Variants in RHOF observed in about 807,000 individuals in gnomAD.
RHOF encodes ras homolog family member F, filopodia associated.
A neutral mutation model predicts 22.2 loss-of-function variants in RHOF; 21 were observed. That is an observed-to-expected ratio of 0.95 (90% confidence interval 0.67 to 1.36). The LOEUF is 1.36. RHOF is among the 40% of genes most tolerant of loss of function. RHOF has a pLI of 0.00. For missense variants in RHOF, 285 were observed against 293.7 expected (o/e 0.97, Z 0.22); for synonymous variants, 135 against 131.2 (o/e 1.03, Z -0.20).
chr12:121,779,119 T>G lies in RHOF; in HGVS notation c.*379A>C, dbSNP rs1468811311. On this transcript the variant is annotated 3_prime_UTR_variant, in exon 5 of 5. Transcript: ENST00000267205. The stretch of plus-strand genomic sequence containing the variant: ...AGGCAGGGACACAGGAGTGGCAGGC[T>G]TGGGGCGCCCGCGTGGAACAGTGCC... 2 of 203,600 alleles carry G rather than the reference T, an allele frequency of 9.8e-6. No homozygotes were observed. Among genetic ancestry groups the G allele is most frequent in the African/African-American group, 4.6e-5 (2 of 43,798 alleles). The allele number at this position is 203,600 out of a possible 1,614,324, so 12.6% of individuals were successfully genotyped here.
At chr12:121,790,949 C>T (rs1413853602) in intron 2 of RHOF, among the ~76,000 whole-genome samples, 1 of 152,200 alleles carries the variant, frequency 6.6e-6, no homozygotes, top group Non-Finnish European at 1.5e-5. Context: ...TCTTGACTCA[C>T]TGCAATTTCC....
At chr12:121,784,634 G>C (rs1267410164) in intron 2 of RHOF, among the ~76,000 whole-genome samples, 1 of 152,084 alleles carries the variant, frequency 6.6e-6, no homozygotes, top group African/African-American at 2.4e-5. Context: ...GGAAGAACCT[G>C]AGAGTCACAG....
chr12:121,792,401 C>T (rs1436587052), intron 2 of RHOF, among the ~76,000 whole-genome samples: 3 of 152,238 alleles, frequency 2.0e-5, no homozygotes, highest in Non-Finnish European at 4.4e-5. Flanking sequence ...CCCCACCCCT[C>T]ACAACACCGA....
intron 4 of RHOF, 117 bp from the exon 5 acceptor site, chr12:121,779,779 CCTGT>C: frequency 4.6e-6 from 5 of 1,087,210 alleles, no homozygotes; most frequent in South Asian, 4.4e-5. Context: ...TTGGTTTGGG[CCTGT>C]CTGTCTCCTC....
intron 4 of RHOF, 59 bp from the exon 5 acceptor site, chr12:121,779,721 C>T (rs1874378045): frequency 6.3e-7 from 1 of 1,590,058 alleles, no homozygotes; most frequent in African/African-American, 1.3e-5. Flanking sequence ...CCTAGCACCA[C>T]CTGGTGGGTT....
At chr12:121,788,624 G>A (rs1164430368) in intron 2 of RHOF, among the ~76,000 whole-genome samples, 1 of 152,176 alleles carries the variant, frequency 6.6e-6, no homozygotes, top group Non-Finnish European at 1.5e-5. Context: ...ATTCTGGGCA[G>A]GACTGTTCAG....
At chr12:121,789,237 T>C (rs1874697376) in intron 2 of RHOF, among the ~76,000 whole-genome samples, 2 of 89,504 alleles carry the variant, frequency 2.2e-5, no homozygotes, top group Non-Finnish European at 5.2e-5. Context: ...CTCTAACCAT[T>C]CCCCACCTCA....
At chr12:121,783,441 C>T (rs755678636) in intron 2 of RHOF, among the ~76,000 whole-genome samples, 12 of 152,028 alleles carry the variant, frequency 7.9e-5, no homozygotes, top group Non-Finnish European at 1.6e-4. Flanking sequence ...CCTGCCACAG[C>T]CTCCCAAGTA....
chr12:121,784,002 A>G (rs924122599), intron 2 of RHOF, among the ~76,000 whole-genome samples: 2 of 152,066 alleles, frequency 1.3e-5, no homozygotes, highest in Non-Finnish European at 2.9e-5. Context: ...CCAAGGCACC[A>G]TCTCACTGTT....
intron 2 of RHOF, 32 bp from the exon 3 acceptor site, chr12:121,781,224 C>T (rs756415640): frequency 1.4e-5 from 22 of 1,590,104 alleles, no homozygotes; most frequent in South Asian, 1.3e-4. Flanking sequence ...GGTCAGGGGA[C>T]GTCCCCTCCC....
intron 2 of RHOF, among the ~76,000 whole-genome samples, chr12:121,784,940 C>T (rs959683464): frequency 2.6e-5 from 4 of 152,194 alleles, no homozygotes; most frequent in African/African-American, 9.7e-5. Context: ...CAGTCTAGAA[C>T]TCTAGATACG....
At chr12:121,788,043 G>A (rs796383565) in intron 2 of RHOF, among the ~76,000 whole-genome samples, 22 of 152,176 alleles carry the variant, frequency 1.4e-4, no homozygotes, top group African/African-American at 5.3e-4. Flanking sequence ...GGCCGCAGGT[G>A]TGTACCACTG....
intron 2 of RHOF, among the ~76,000 whole-genome samples, chr12:121,783,315 T>TTC (rs1874521497): frequency 8.2e-6 from 1 of 122,090 alleles, no homozygotes; most frequent in African/African-American, 3.3e-5. Context: ...GGCTCCCTAT[T>TTC]GCCCCCCCCC....
chr12:121,790,171 A>G (rs951948959), intron 2 of RHOF, among the ~76,000 whole-genome samples: 2 of 152,082 alleles, frequency 1.3e-5, no homozygotes, highest in African/African-American at 4.8e-5. Context: ...GCCTTCCACG[A>G]GGGCCCCTGT....
At chr12:121,790,263 C>T (rs79245479) in intron 2 of RHOF, among the ~76,000 whole-genome samples, 2,186 of 152,380 alleles carry the variant, frequency 0.014, 57 homozygotes, top group African/African-American at 0.051. Flanking sequence ...ACCCCTGTCT[C>T]ACAGCTCTGG....
At chr12:121,788,613 C>T (rs1304143883) in intron 2 of RHOF, among the ~76,000 whole-genome samples, 1 of 152,200 alleles carries the variant, frequency 6.6e-6, no homozygotes, top group Non-Finnish European at 1.5e-5. Flanking sequence ...CACTCATGCA[C>T]ATTCTGGGCA....
At position 121,777,880 on chromosome 12, in the gene RHOF, C is replaced by A. The variant is rs1874296739; in HGVS notation, c.*1618G>T. 6.6e-6 allele frequency: 1 copy of A among 152,116 alleles called. No homozygotes were observed. The highest frequency in any genetic ancestry group is 1.5e-5 in the Non-Finnish European group (1 of 67,994). 9.4% of individuals were successfully genotyped at this position (152,116 alleles called of 1,614,324 possible). A position where few individuals can be genotyped will look rare whatever the true frequency, so the allele number is the denominator to read the frequency against. ...TGGGGTTCTTCGAGAACAAGAACTCCTTGGTTGATTCCCCAGGGTACGGCA... is the reference window on the plus strand; with the variant it reads ...TGGGGTTCTTCGAGAACAAGAACTCATTGGTTGATTCCCCAGGGTACGGCA... On this transcript the variant is annotated 3_prime_UTR_variant, in exon 5 of 5. Transcript: ENST00000267205.
chr12:121,786,561 C>G (rs1328433337), intron 2 of RHOF, among the ~76,000 whole-genome samples: 1 of 152,204 alleles, frequency 6.6e-6, no homozygotes, highest in African/African-American at 2.4e-5. Context: ...CCTTGCTGTT[C>G]ACTCCTCCAG....
rs1257123124 is a variant in RHOF, at chr12:121,793,226, G to C, written c.152C>G (p.Ser51Trp). The C allele has an allele frequency of 4.5e-6, 7 of 1,550,980 alleles. No individual in the cohort carries two copies. In the Admixed American group the frequency reaches 9.8e-5, roughly 22 times the overall value. ...GCTGGCCGTGTACTTCTCGAACACC[G>C]ATGGGGCGTAGTGCTGCGGGAGAGG... ...QGSFPEHYAPSVFEKYTASVT... is the reference protein window; with the variant it reads ...QGSFPEHYAPWVFEKYTASVT... The change falls in exon 2 of 5, where the codon TCG becomes TGG. Residue 51 changes from serine to tryptophan, a missense_variant. By Grantham distance (177) the Ser-to-Trp change is radical (BLOSUM62 -3). Coordinates refer to ENST00000267205, the MANE Select transcript of RHOF (RefSeq NM_019034.3).
Sources: gnomAD v4.1 joint callset for allele counts (sites outside exome capture counted in the v4.1 genomes callset) on GRCh38, gnomAD v4.1.1 for gene constraint, MANE v1.5 for transcripts, NCBI Gene and HGNC (gene_info 2026-07-23, HGNC 2026-07-21) for gene names.